The following SMTN variants were observed in gnomAD, a reference collection of about 807,000 sequenced individuals.
SMTN encodes smoothelin.
Under a neutral mutation model 102.0 loss-of-function variants are expected in SMTN, and 58 were observed. That is an observed-to-expected ratio of 0.57 (90% CI 0.46 to 0.71). SMTN has a LOEUF of 0.71. Ranked by LOEUF, SMTN falls within the 30% of genes least tolerant of loss-of-function variation. The probability of loss-of-function intolerance (pLI) is 0.00; values close to 1 mark genes in which losing one functional copy is unlikely to be tolerated. For missense variants in SMTN, 1,185 were observed against 1,241.7 expected, an observed-to-expected ratio of 0.95 and a Z score of 0.69; for synonymous variants, 478 against 497.9, an observed-to-expected ratio of 0.96 and a Z score of 0.53.
At chr22:31,099,489 A>G (rs995409033) in intron 18 of SMTN, 23 of 585,854 alleles carry the variant, frequency 3.9e-5, no homozygotes, top group Middle Eastern at 4.5e-4. Flanking sequence ...TAAATGAGGG[A>G]AGGAGTGATG....
At chr22:31,085,437 C>T (rs750969427) in intron 2 of SMTN, 3 of 727,914 alleles carry the variant, frequency 4.1e-6, no homozygotes, top group Non-Finnish European at 4.4e-6. Flanking sequence ...CTGGAGAGCC[C>T]CCTCCGTTGT....
chr22:31,084,121 T>G (rs1326479853), intron 2 of SMTN, among the ~76,000 whole-genome samples: 1 of 152,170 alleles, frequency 6.6e-6, no homozygotes, highest in Non-Finnish European at 1.5e-5. Context: ...CCTTTCTTGT[T>G]CCTCTTCCTG....
At chr22:31,067,099 C>CA (rs2041869382) in intron 1 of SMTN, 1 of 151,880 alleles carries the variant, frequency 6.6e-6, no homozygotes, top group African/African-American at 2.4e-5. Flanking sequence ...TATTTAGAGA[C>CA]AGAGTCTGTC....
At position 31,097,040 on chromosome 22, in the gene SMTN, G is replaced by A; in HGVS notation, c.2069G>A (p.Ser690Asn). 6.2e-7 allele frequency: 1 copy of A among 1,614,162 alleles called. No homozygotes were observed. The highest frequency in any genetic ancestry group is 8.5e-7 in the Non-Finnish European group (1 of 1,180,034). Residue 690 changes from serine to asparagine, a missense_variant, in exon 15 of 21, where the codon AGT becomes AAT. By Grantham distance (46) the Ser-to-Asn change is conservative (BLOSUM62 1). This residue lies in a region of SMTN where 1,096 missense variants were observed against 1,112.7 expected (regional missense o/e 0.98). Coordinates refer to ENST00000333137, the MANE Select transcript of SMTN (RefSeq NM_134269.3). ...RTARTTTVES[S>N]FVRRSENGSG... ...GCCCGCACCACCACAGTGGAGTCGA[G>A]TTTCGTGAGGCGCTCGGAGAGTAAG...
Position 31,088,004 on chromosome 22 carries a change from C to G in SMTN, c.91C>G (p.Arg31Gly). ...AGATCTGGCAGAGCGGCGGCGCATC[C>G]GCTCAGCCATCCGGGAACTGCAGCG... is the stretch of plus-strand genomic sequence containing the variant. ...TADLAERRRI[R>G]SAIRELQRQE... The change falls in exon 3 of 21, where the codon CGC (arginine) becomes GGC (glycine). Residue 31 changes from arginine to glycine, a missense_variant. By Grantham distance (125) the Arg-to-Gly change is moderately radical. Around this residue, in one of 2 missense-constraint regions of SMTN, gnomAD observed 1,096 missense variants for 1,112.7 expected, o/e 0.98. Transcript: ENST00000333137. 2 of 1,609,556 alleles carry G rather than the reference C, an allele frequency of 1.2e-6. No individual in the cohort carries two copies.
rs746764891 is a variant in SMTN, at chr22:31,096,739, G to T, written c.1868G>T (p.Arg623Leu). The T allele has an allele frequency of 2.6e-6, 4 of 1,548,018 alleles. No homozygotes were observed. The highest frequency in any genetic ancestry group is 1.9e-5 in the Admixed American group (1 of 52,652). ...RELRQRKRDQRDKERERRLQE... is the reference protein window; with the variant it reads ...RELRQRKRDQLDKERERRLQE... ...TGGGGCATCCCCTGCCCAGACCAGC[G>T]GGACAAGGAGCGGGAACGGCGGCTG... The change falls in exon 14 of 21, where the codon CGG (arginine) becomes CTG (leucine). Residue 623 changes from arginine to leucine, a missense_variant. By Grantham distance (102) the Arg-to-Leu change is moderately radical. Coordinates refer to ENST00000333137, the MANE Select transcript of SMTN (RefSeq NM_134269.3).
chr22:31,085,059 G>A (rs1365026991), intron 2 of SMTN: 43 of 1,531,604 alleles, frequency 2.8e-5, no homozygotes, highest in Non-Finnish European at 3.8e-5. Context: ...ACATTCTTGA[G>A]GATTGGGCCG....
chr22:31,094,285 C>T (rs2043387080), intron 11 of SMTN, among the ~76,000 whole-genome samples: 1 of 152,186 alleles, frequency 6.6e-6, no homozygotes, highest in African/African-American at 2.4e-5. Context: ...GGGCTAGAGA[C>T]TCCTTAGAGG....
Position 31,083,246 on chromosome 22 carries a change from AG to A in SMTN, c.-9del. 1 of 1,598,588 alleles carries A rather than the reference AG, an allele frequency of 6.3e-7. No individual in the cohort carries two copies. The highest frequency in any genetic ancestry group is 1.8e-5 in the Admixed American group (1 of 56,330). ...TCACCAGAAAGGAACCGACGGAGCTAGGGGCCAGCGAGATGGCGGACGAGGC... is the reference window on the plus strand; with the variant it reads ...TCACCAGAAAGGAACCGACGGAGCTAGGGCCAGCGAGATGGCGGACGAGGC... On this transcript the variant is annotated 5_prime_UTR_variant, in exon 2 of 21. Coordinates refer to ENST00000333137, the MANE Select transcript of SMTN (RefSeq NM_134269.3).
In SMTN at chr22:31,097,280, A is replaced by G. The variant is rs1181546345; in HGVS notation, c.2101A>G (p.Ser701Gly). Reference sequence around the variant, plus strand: ...CCCCTTTTTTGCAGATGGCAGTGGCAGCACCATGATGCAAACCAAGACCTT... The same window carrying G: ...CCCCTTTTTTGCAGATGGCAGTGGCGGCACCATGATGCAAACCAAGACCTT... ...FVRRSENGSGSTMMQTKTFSS... is the reference protein window; with the variant it reads ...FVRRSENGSGGTMMQTKTFSS... Residue 701 changes from serine to glycine, a missense_variant, in exon 16 of 21, where the codon AGC (serine) becomes GGC (glycine). Transcript: ENST00000333137. The G allele has an allele frequency of 6.2e-7, 1 of 1,614,124 alleles. No individual in the cohort carries two copies. The highest frequency in any genetic ancestry group is 1.7e-5 in the Admixed American group (1 of 60,020).
chr22:31,091,909 G>A, intron 11 of SMTN, 62 bp downstream of exon 11: 7 of 1,419,720 alleles, frequency 4.9e-6, no homozygotes, highest in South Asian at 4.2e-5. Flanking sequence ...CTGCTTCAGG[G>A]TGTAGGGCTA....
chr22:31,093,616 G>T (rs1337062821), intron 11 of SMTN: 1 of 763,412 alleles, frequency 1.3e-6, no homozygotes, highest in South Asian at 1.4e-5. Context: ...GGCAGCTGAA[G>T]AGCTGCGGGC....
chr22:31,099,120 G>A lies in SMTN; in HGVS notation c.2392G>A (p.Ala798Thr), dbSNP rs1299183138. The A allele has an allele frequency of 1.2e-6, 2 of 1,613,144 alleles. No individual in the cohort carries two copies. The highest frequency in any genetic ancestry group is 2.2e-5 in the East Asian group (1 of 44,886). ...QRSTSFGVPNANSIKQMLLDW... is the reference protein window; with the variant it reads ...QRSTSFGVPNTNSIKQMLLDW... ...ATCCACCAGCTTCGGGGTCCCCAAC[G>A]CCAACAGCATCAAGCAGATGCTGCT... The change falls in exon 18 of 21, where the codon GCC becomes ACC. Residue 798 changes from alanine to threonine, a missense_variant. Physicochemically the swap from Ala to Thr is moderately conservative, Grantham distance 58. Coordinates refer to ENST00000333137, the MANE Select transcript of SMTN (RefSeq NM_134269.3).
chr22:31,096,771 G>T lies in SMTN; in HGVS notation c.1900G>T (p.Ala634Ser). Residue 634 changes from alanine to serine, a missense_variant, in exon 14 of 21, where the codon GCA (alanine) becomes TCA (serine). Physicochemically the swap from Ala to Ser is moderately conservative, Grantham distance 99. Around this residue, in one of 2 missense-constraint regions of SMTN, gnomAD observed 1,096 missense variants for 1,112.7 expected, o/e 0.98. Transcript: ENST00000333137. ...DKERERRLQE[A>S]RGRPGEGRGN... is the part of the protein sequence containing the mutation. ...GGAGCGGGAACGGCGGCTGCAGGAG[G>T]CACGGGGCCGGCCAGGGGAGGGGCG... is the stretch of plus-strand genomic sequence containing the variant. The T allele has an allele frequency of 1.3e-6, 2 of 1,559,748 alleles. No individual in the cohort carries two copies. The highest frequency in any genetic ancestry group is 1.7e-6 in the Non-Finnish European group (2 of 1,155,868).
At chr22:31,101,508 C>G (rs887937408) in intron 20 of SMTN, 1 of 159,006 alleles carries the variant, frequency 6.3e-6, no homozygotes, top group Admixed American at 6.0e-5. Flanking sequence ...ACCTTCTGGC[C>G]GAGCACGGTG....
Position 31,095,325 on chromosome 22 carries a change from C to G in SMTN, c.1655C>G (p.Pro552Arg), listed in dbSNP as rs759691551. Residue 552 changes from proline to arginine, a missense_variant, in exon 12 of 21, where the codon CCT becomes CGT. Transcript: ENST00000333137. This position sits in a 1 kb window ranked among gnomAD's most constrained non-coding sequence, Gnocchi z 4.1. The part of the protein sequence containing the change: ...SIKMEAEPAE[P>R]LAAAVEAANG... Reference sequence around the variant, plus strand: ...CAGATGGAAGCAGAGCCAGCAGAGCCTCTCGCTGCAGCAGTGGAAGCGGCC... The same window carrying G: ...CAGATGGAAGCAGAGCCAGCAGAGCGTCTCGCTGCAGCAGTGGAAGCGGCC... 4 of 1,613,950 alleles carry G rather than the reference C, an allele frequency of 2.5e-6. No individual in the cohort carries two copies. Among genetic ancestry groups the G allele is most frequent in the Non-Finnish European group, 3.4e-6 (4 of 1,180,044 alleles).
intron 1 of SMTN, among the ~76,000 whole-genome samples, chr22:31,070,429 C>T (rs1394848427): frequency 6.6e-6 from 1 of 152,062 alleles, no homozygotes; most frequent in Non-Finnish European, 1.5e-5. Flanking sequence ...GTTGGTCTTC[C>T]ATCAGTTTCT....
rs116212577 is a variant in SMTN, at chr22:31,096,638, C to T, written c.1862-95C>T. The T allele has an allele frequency of 5.3e-4, 717 of 1,357,830 alleles. 6 individuals are homozygous for T. The African/African-American group carries it at 9.6e-3, about 18-fold the overall frequency. 84.1% of individuals were successfully genotyped at this position (1,357,830 alleles called of 1,614,324 possible). A position where few individuals can be genotyped will look rare whatever the true frequency, so the allele number is the denominator to read the frequency against. ...TCATTCATGTTTCTAACAAGCCACC[C>T]TCCACCCCGTCTTGTGTGCCCCATG... On this transcript the variant is annotated intron_variant, in intron 13 of 20. Transcript: ENST00000333137.
rs180801519 is a variant in SMTN at position 31,069,183 on chromosome 22, C to T, written c.-386+4996C>T. Among the ~76,000 whole-genome samples the T allele has an allele frequency of 2.2e-4, 34 of 152,290 alleles. 1 individual carries two copies. The highest frequency in any genetic ancestry group is 1.9e-3 in the Admixed American group (29 of 15,296). ...CGCTCCAGAAGGAGGGGTTATTATA[C>T]GTCTGATTGAATCAACTTCCAGGAT... On this transcript the variant is annotated intron_variant, in intron 1 of 3. Transcript: ENST00000422839.
Sources: allele counts gnomAD v4.1 joint callset (sites outside exome capture counted in the v4.1 genomes callset), GRCh38; gene constraint gnomAD v4.1.1; regional missense constraint gnomAD v4.1.1; non-coding constraint Gnocchi (gnomAD v3.1); transcripts MANE v1.5; gene names NCBI Gene and HGNC (gene_info 2026-07-23, HGNC 2026-07-21).